The following ABHD6 variants were observed in gnomAD, a reference collection of about 807,000 sequenced individuals.
ABHD6 encodes abhydrolase domain containing 6, acylglycerol lipase, also known as monoacylglycerol lipase ABHD6.
A neutral mutation model predicts 38.8 loss-of-function variants in ABHD6; 33 were observed. The ratio of observed to expected loss-of-function variants is 0.85; its 90% CI spans 0.64 to 1.14. The LOEUF (loss-of-function observed/expected upper bound fraction) is 1.14. ABHD6 is among the 50% of genes most tolerant of loss of function. ABHD6 has a pLI of 0.00. For synonymous variants in ABHD6, 147 were observed against 161.6 expected (o/e 0.91, Z 0.69); for missense variants, 380 against 422.6 (o/e 0.90, Z 0.88).
intron 1 of ABHD6, among the ~76,000 whole-genome samples, chr3:58,248,155 G>C (rs1388484740): frequency 1.3e-5 from 2 of 152,034 alleles, no homozygotes; most frequent in African/African-American, 4.8e-5. Context: ...AATGTACCTT[G>C]GAGGTCATTA....
intron 1 of ABHD6, among the ~76,000 whole-genome samples, chr3:58,243,755 A>T (rs756784068): frequency 4.2e-4 from 64 of 151,598 alleles, no homozygotes; most frequent in Non-Finnish European, 2.9e-5. Context: ...CTGCCTCCTG[A>T]GTTCAAGGCA....
chr3:58,270,644 AG>A (rs1179498673), intron 5 of ABHD6, among the ~76,000 whole-genome samples: 1 of 152,142 alleles, frequency 6.6e-6, no homozygotes, highest in Non-Finnish European at 1.5e-5. Context: ...CCTGGGTGAC[AG>A]AGTGAGACCC....
intron 1 of ABHD6, among the ~76,000 whole-genome samples, chr3:58,239,678 G>A (rs1034981211): frequency 6.6e-6 from 1 of 152,090 alleles, no homozygotes; most frequent in African/African-American, 2.4e-5. Context: ...CAAACCTAGA[G>A]TAAAAGATGG....
At chr3:58,281,388 G>T (rs929995828) in intron 7 of ABHD6, among the ~76,000 whole-genome samples, 1 of 152,188 alleles carries the variant, frequency 6.6e-6, no homozygotes, top group Non-Finnish European at 1.5e-5. Flanking sequence ...CTGTGGGCCT[G>T]GGACCCACCG....
Position 58,256,521 on chromosome 3 carries a change from A to G in ABHD6, c.-25-41A>G. On this transcript the variant is annotated intron_variant, in intron 2 of 9. Transcript: ENST00000478253. The surrounding 1 kb of genome is among the most constrained non-coding windows in gnomAD (Gnocchi z 4.3). The stretch of plus-strand genomic sequence containing the variant: ...TTACTTCTTCGCCTTTTTTCCTTTG[A>G]TACAGAGTTTTAATATCGTCATTCT... 2 of 1,215,210 alleles carry G rather than the reference A, an allele frequency of 1.6e-6. No homozygotes were observed. Among genetic ancestry groups the G allele is most frequent in the African/African-American group, 1.5e-5 (1 of 65,256 alleles). The allele number at this position is 1,215,210 out of a possible 1,614,324, so 75.3% of individuals were successfully genotyped here.
intron 6 of ABHD6, among the ~76,000 whole-genome samples, chr3:58,271,790 T>TTTTTTTTTTTTTTTTTTTTTA (rs2097445226): frequency 8.2e-6 from 1 of 121,844 alleles, no homozygotes; most frequent in African/African-American, 3.6e-5. Context: ...TTTTTTTTTT[T>TTTTTTTTTTTTTTTTTTTTTA]GAGACAGTCT....
At chr3:58,289,870 C>T (rs1486916381) in intron 9 of ABHD6, among the ~76,000 whole-genome samples, 1 of 112,734 alleles carries the variant, frequency 8.9e-6, no homozygotes, top group Non-Finnish European at 1.8e-5. Flanking sequence ...GGGGGCTGAC[C>T]CCCCCACCTC....
chr3:58,278,235 C>CT (rs985269090), intron 7 of ABHD6, among the ~76,000 whole-genome samples: 3 of 152,050 alleles, frequency 2.0e-5, no homozygotes, highest in Admixed American at 1.3e-4. Context: ...TGGTCCTGGA[C>CT]TTTTTTTGGT....
At chr3:58,282,156 C>G (rs1353394856) in intron 7 of ABHD6, among the ~76,000 whole-genome samples, 1 of 152,036 alleles carries the variant, frequency 6.6e-6, no homozygotes, top group Non-Finnish European at 1.5e-5. Flanking sequence ...CCTAGACTCC[C>G]AAGAACCACT....
At position 58,259,249 on chromosome 3, in the gene ABHD6, A is replaced by G. The variant is rs2097435366; in HGVS notation, c.119+2544A>G. Among the ~76,000 whole-genome samples, 1 of 152,190 alleles carries G rather than the reference A, an allele frequency of 6.6e-6. No homozygotes were observed. The highest frequency in any genetic ancestry group is 2.4e-5 in the African/African-American group (1 of 41,442). On this transcript the variant is annotated intron_variant, in intron 3 of 9. Transcript: ENST00000478253. The surrounding 1 kb of genome is among the most constrained non-coding windows in gnomAD (Gnocchi z 4.7). ...CCCCCAACAGTTCCCTGGGCTGTCG[A>G]GGAGAAGGCTTTCAGAGTAAGGGTG...
rs907809899 is a variant in ABHD6, at chr3:58,266,946, C to T, written c.120-243C>T. 6.6e-6 allele frequency among the ~76,000 whole-genome samples: 1 copy of T among 152,176 alleles called. No individual in the cohort carries two copies. The highest frequency in any genetic ancestry group is 1.5e-5 in the Non-Finnish European group (1 of 68,028). Reference sequence around the variant, plus strand: ...CTTAAGAAAACACCGCATTTCCCTTCCTAGAGTGATTAGTAAAATATATAC... The same window carrying T: ...CTTAAGAAAACACCGCATTTCCCTTTCTAGAGTGATTAGTAAAATATATAC... On this transcript the variant is annotated intron_variant, in intron 3 of 9. Transcript: ENST00000478253. The surrounding 1 kb of genome is among the most constrained non-coding windows in gnomAD (Gnocchi z 4.0).
At chr3:58,274,302 C>T (rs972737251) in intron 6 of ABHD6, among the ~76,000 whole-genome samples, 4 of 152,180 alleles carry the variant, frequency 2.6e-5, no homozygotes, top group Admixed American at 6.5e-5. Flanking sequence ...CTAGGCTAAC[C>T]CTCCTTAAAT....
chr3:58,286,298 C>T (rs933824376), intron 9 of ABHD6, among the ~76,000 whole-genome samples: 7 of 151,830 alleles, frequency 4.6e-5, no homozygotes, highest in Non-Finnish European at 1.5e-5. Flanking sequence ...GGATTACAGG[C>T]GTGAGCCACC....
rs183001759 is a variant in ABHD6 at position 58,292,094 on chromosome 3, T to G, written c.838-1495T>G. Among the ~76,000 whole-genome samples the G allele has an allele frequency of 7.2e-5, 11 of 152,346 alleles. No homozygotes were observed. In the East Asian group the frequency reaches 2.1e-3, roughly 29 times the overall value. ...AGTGGGTTGCCGTGGCAGCCTTAGC[T>G]GTGAGTGAGTGACAAGGCAGAGGTT... On this transcript the variant is annotated intron_variant, in intron 9 of 9. Coordinates refer to ENST00000478253, the MANE Select transcript of ABHD6 (RefSeq NM_001320126.2).
chr3:58,260,285 C>T (rs2097436091), intron 3 of ABHD6, among the ~76,000 whole-genome samples: 2 of 152,196 alleles, frequency 1.3e-5, no homozygotes, highest in South Asian at 4.1e-4. Flanking sequence ...CAGCTCAGTG[C>T]CGTGGCTGAA....
rs144496146 is a variant in ABHD6, at chr3:58,284,950, A to G, written c.682-135A>G. The G allele has an allele frequency of 7.3e-4, 544 of 742,022 alleles. 5 individuals are homozygous for G. The East Asian group carries it at 0.013, about 18-fold the overall frequency. 46.0% of individuals were successfully genotyped at this position (742,022 alleles called of 1,614,324 possible). The stretch of plus-strand genomic sequence containing the variant: ...ACTGTGTGCTGCATCATGGGAATTC[A>G]GAGGACCAGGCTCTAAAGACCTTGA... On this transcript the variant is annotated intron_variant, in intron 7 of 9. Coordinates refer to ENST00000478253, the MANE Select transcript of ABHD6 (RefSeq NM_001320126.2).
intron 4 of ABHD6, among the ~76,000 whole-genome samples, chr3:58,268,058 G>C (rs2097442363): frequency 6.6e-6 from 1 of 152,168 alleles, no homozygotes; most frequent in Non-Finnish European, 1.5e-5. Flanking sequence ...CTGAGCAACA[G>C]GAGTGAGACC....
intron 5 of ABHD6, among the ~76,000 whole-genome samples, chr3:58,270,684 A>G (rs562743341): frequency 1.3e-5 from 2 of 152,144 alleles, no homozygotes; most frequent in African/African-American, 4.8e-5. Flanking sequence ...AAGTTTGCTG[A>G]CTCATTAATT....
At chr3:58,261,392 A>C (rs1052284296) in intron 3 of ABHD6, among the ~76,000 whole-genome samples, 1 of 152,148 alleles carries the variant, frequency 6.6e-6, no homozygotes, top group East Asian at 1.9e-4. Flanking sequence ...GCACTTTGGG[A>C]GGCAGAGGTG....
Sources: allele counts gnomAD v4.1 joint callset (sites outside exome capture counted in the v4.1 genomes callset), GRCh38; gene constraint gnomAD v4.1.1; non-coding constraint Gnocchi (gnomAD v3.1); transcripts MANE v1.5; gene names NCBI Gene and HGNC (gene_info 2026-07-23, HGNC 2026-07-21).